ATP2B2: variants seen among roughly 807,000 people sequenced by gnomAD.
ATP2B2 encodes ATPase plasma membrane Ca2+ transporting 2.
A neutral mutation model predicts 120.0 loss-of-function variants in ATP2B2; 15 were observed. The observed-to-expected ratio is 0.12, with a 90% CI of 0.08 to 0.19. ATP2B2 has a LOEUF of 0.19. Among genes scored for constraint, ATP2B2 ranks in the 10% least tolerant of loss-of-function variants. The pLI is 1.00. For missense variants in ATP2B2, 1,045 were observed against 1,719.8 expected (o/e 0.61, Z 6.94); for synonymous variants, 694 against 700.3 (o/e 0.99, Z 0.14).
At chr3:10,688,390 C>A (rs80289925) in intron 1 of ATP2B2, among the ~76,000 whole-genome samples, 4,156 of 152,316 alleles carry the variant, frequency 0.027, 112 homozygotes, top group South Asian at 0.13. Context: ...TTGTCATCAA[C>A]TGCACATTGA....
At chr3:10,512,593 G>A (rs1181971182) in intron 3 of ATP2B2, among the ~76,000 whole-genome samples, 1 of 152,188 alleles carries the variant, frequency 6.6e-6, no homozygotes, top group African/African-American at 2.4e-5. Context: ...GACTTAGAGA[G>A]TGGAGCTAAC....
rs970195752 is a variant in ATP2B2 at position 10,446,075 on chromosome 3, G to T, written c.199+3270C>A. Among the ~76,000 whole-genome samples the T allele has an allele frequency of 7.9e-5, 12 of 152,298 alleles. No homozygotes were observed. The South Asian group carries it at 2.5e-3, about 32-fold the overall frequency. On this transcript the variant is annotated intron_variant, in intron 2 of 22. Coordinates refer to ENST00000360273, the MANE Select transcript of ATP2B2 (RefSeq NM_001001331.4). Reference sequence around the variant, plus strand: ...TGGGGCTGAGTTCAAAGCCTGCTCTGACCTGAACTGTGGCAGTGACCTCGA... The same window carrying T: ...TGGGGCTGAGTTCAAAGCCTGCTCTTACCTGAACTGTGGCAGTGACCTCGA...
chr3:10,551,076 T>C (rs530518519), intron 2 of ATP2B2, among the ~76,000 whole-genome samples: 1 of 152,300 alleles, frequency 6.6e-6, no homozygotes, highest in South Asian at 2.1e-4. Flanking sequence ...TTTAGGTCTC[T>C]TTCTGGCCTG....
chr3:10,438,343 G>A (rs530764228), intron 2 of ATP2B2, among the ~76,000 whole-genome samples: 1 of 152,304 alleles, frequency 6.6e-6, no homozygotes, highest in South Asian at 2.1e-4. Context: ...GCTTTCCCAA[G>A]GGCTCACCCA....
chr3:10,586,869 G>T lies in ATP2B2; in HGVS notation c.-415+33048C>A, dbSNP rs1034148883. On this transcript the variant is annotated intron_variant, in intron 2 of 21. Coordinates refer to the ATP2B2 transcript ENST00000646379. ...TCCCTTTGTCACACCCCACTGCCCA[G>T]CTCTGCTCCGGTCCCTGCTCACATG... Among the ~76,000 whole-genome samples, 10 of 152,120 alleles carry T rather than the reference G, an allele frequency of 6.6e-5. 1 individual carries two copies. The highest frequency in any genetic ancestry group is 2.4e-5 in the African/African-American group (1 of 41,434).
intron 1 of ATP2B2, among the ~76,000 whole-genome samples, chr3:10,623,676 G>T (rs1223614047): frequency 6.6e-6 from 1 of 152,224 alleles, no homozygotes; most frequent in Non-Finnish European, 1.5e-5. Context: ...TGAGGTTCCA[G>T]TATGTACCTG....
intron 1 of ATP2B2, among the ~76,000 whole-genome samples, chr3:10,455,216 C>G (rs1352234438): frequency 6.6e-6 from 1 of 152,160 alleles, no homozygotes; most frequent in Non-Finnish European, 1.5e-5. Flanking sequence ...GGAAAGATAA[C>G]AAAATCAGCA....
At chr3:10,505,670 T>A, upstream of ATP2B2, 1 of 138,642 alleles carries the variant, frequency 7.2e-6, no homozygotes, top group Non-Finnish European at 1.6e-5. Flanking sequence ...CAAAATGCAA[T>A]CTCGGGGGAG....
intron 1 of ATP2B2, among the ~76,000 whole-genome samples, chr3:10,652,525 G>A (rs1458924252): frequency 6.6e-6 from 1 of 152,192 alleles, no homozygotes; most frequent in Non-Finnish European, 1.5e-5. Context: ...AGTACTGTAT[G>A]TAGAGAGACA....
At chr3:10,519,912 G>A (rs1240146801) in intron 3 of ATP2B2, among the ~76,000 whole-genome samples, 1 of 152,186 alleles carries the variant, frequency 6.6e-6, no homozygotes, top group African/African-American at 2.4e-5. Context: ...GACTGGGATC[G>A]AATGCAGGGG....
chr3:10,488,279 A>ATCCATCCT (rs2065786848), intron 1 of ATP2B2, among the ~76,000 whole-genome samples: 1 of 144,906 alleles, frequency 6.9e-6, no homozygotes, highest in Non-Finnish European at 1.5e-5. Context: ...CCATCCATGC[A>ATCCATCCT]TGCATCCATC....
chr3:10,363,217 T>C (rs1407829307), intron 12 of ATP2B2, among the ~76,000 whole-genome samples: 2 of 152,228 alleles, frequency 1.3e-5, no homozygotes, highest in Non-Finnish European at 2.9e-5. Context: ...CGTGCATTAC[T>C]AAGAATCAGG....
chr3:10,644,838 A>G (rs367980881), intron 1 of ATP2B2, among the ~76,000 whole-genome samples: 4 of 152,238 alleles, frequency 2.6e-5, no homozygotes, highest in Admixed American at 6.5e-5. Context: ...CTGCACAACA[A>G]TGTGAAAGTA....
At chr3:10,655,848 T>G (rs1391992246) in intron 1 of ATP2B2, among the ~76,000 whole-genome samples, 1 of 152,210 alleles carries the variant, frequency 6.6e-6, no homozygotes, top group Non-Finnish European at 1.5e-5. Context: ...GAAACCTGAT[T>G]TTAAAAATCT....
chr3:10,406,663 GC>G (rs2062423444), intron 3 of ATP2B2, among the ~76,000 whole-genome samples: 1 of 152,220 alleles, frequency 6.6e-6, no homozygotes, highest in African/African-American at 2.4e-5. Flanking sequence ...TGATGAAATT[GC>G]CTTAGAACAT....
intron 8 of ATP2B2, 73 bp from the exon 9 acceptor site, chr3:10,379,357 G>A: frequency 3.3e-6 from 5 of 1,500,750 alleles, no homozygotes; most frequent in Non-Finnish European, 4.6e-6. Context: ...AGACGCAACA[G>A]GCCACAGACA....
At chr3:10,588,417 T>C (rs2068565057) in intron 2 of ATP2B2, among the ~76,000 whole-genome samples, 1 of 152,174 alleles carries the variant, frequency 6.6e-6, no homozygotes, top group South Asian at 2.1e-4. Context: ...CTCACCAATA[T>C]TTGTGAACCC....
intron 1 of ATP2B2, among the ~76,000 whole-genome samples, chr3:10,706,062 A>C (rs1173107739): frequency 1.3e-5 from 2 of 152,198 alleles, no homozygotes; most frequent in East Asian, 3.9e-4. Flanking sequence ...TGTCTCTGAG[A>C]GTGCTTAGTA....
At chr3:10,651,872 T>C (rs562144409) in intron 1 of ATP2B2, among the ~76,000 whole-genome samples, 66 of 152,298 alleles carry the variant, frequency 4.3e-4, no homozygotes, top group African/African-American at 1.4e-3. Context: ...GATGCAGTTC[T>C]TTAGCTTAAT....
Sources: allele counts gnomAD v4.1 joint callset (sites outside exome capture counted in the v4.1 genomes callset), GRCh38; gene constraint gnomAD v4.1.1; transcripts MANE v1.5; gene names NCBI Gene and HGNC (gene_info 2026-07-23, HGNC 2026-07-21).